The following EPS15 variants were observed in gnomAD, a reference collection of about 807,000 sequenced individuals.
EPS15 encodes epidermal growth factor receptor pathway substrate 15.
In EPS15, 72 loss-of-function variants were observed where a neutral mutation model predicts 113.8. The ratio of observed to expected loss-of-function variants is 0.63; its 90% CI spans 0.52 to 0.77. The LOEUF is 0.77. Ranked by LOEUF, EPS15 falls within the 30% of genes least tolerant of loss-of-function variation. EPS15 has a pLI of 0.00. For synonymous variants in EPS15, 344 were observed against 363.4 expected, an observed-to-expected ratio of 0.95 and a Z score of 0.61; for missense variants, 1,048 against 1,045.8, an observed-to-expected ratio of 1.00 and a Z score of -0.03.
chr1:51,510,366 T>A (rs1209227671), intron 1 of EPS15, among the ~76,000 whole-genome samples: 1 of 152,176 alleles, frequency 6.6e-6, no homozygotes, highest in Non-Finnish European at 1.5e-5. Flanking sequence ...TGGGTTCAAG[T>A]CTCAACTCTC....
chr1:51,508,799 G>A (rs1363026750), intron 1 of EPS15, among the ~76,000 whole-genome samples: 1 of 151,940 alleles, frequency 6.6e-6, no homozygotes, highest in Non-Finnish European at 1.5e-5. Context: ...GATAAAACAA[G>A]GAATCTCATA....
intron 8 of EPS15, among the ~76,000 whole-genome samples, chr1:51,450,644 A>T (rs1360697468): frequency 2.0e-5 from 3 of 151,866 alleles, no homozygotes; most frequent in African/African-American, 7.3e-5. Context: ...TCAAATTGGT[A>T]CCACCCCTAT....
rs1369730903 is a variant in EPS15 at position 51,399,149 on chromosome 1, A to T, written c.1935T>A (p.Asp645Glu). ...CAAATGGATCTGAACCTTTGAAAGG[A>T]TCACCACCAAATGGATCTAAAAAAA... ...PFGKIDPFGG[D>E]PFKGSDPFAS... The change falls in exon 20 of 25, where the codon GAT becomes GAA. Residue 645 changes from aspartate (D) to glutamate (E), a missense_variant. Coordinates refer to ENST00000371733, the MANE Select transcript of EPS15 (RefSeq NM_001981.3). 2 of 1,613,668 alleles carry T rather than the reference A, an allele frequency of 1.2e-6. No individual in the cohort carries two copies. The highest frequency in any genetic ancestry group is 1.7e-6 in the Non-Finnish European group (2 of 1,179,862).
intron 1 of EPS15, among the ~76,000 whole-genome samples, chr1:51,508,348 GAA>G (rs572765947): frequency 2.8e-5 from 4 of 140,684 alleles, no homozygotes; most frequent in Admixed American, 6.9e-5. Context: ...GAGAAAGAAA[GAA>G]AGAAAGAAAG....
intron 21 of EPS15, among the ~76,000 whole-genome samples, chr1:51,367,071 T>C (rs1646523023): frequency 6.6e-6 from 1 of 152,210 alleles, no homozygotes. Flanking sequence ...ATATGGGTTA[T>C]GAAAGAGGTA....
At chr1:51,436,970 GT>G (rs1652199198) in intron 12 of EPS15, among the ~76,000 whole-genome samples, 1 of 151,954 alleles carries the variant, frequency 6.6e-6, no homozygotes, top group Non-Finnish European at 1.5e-5. Flanking sequence ...TATTCGATGA[GT>G]GTTATATTAC....
chr1:51,386,611 CA>C (rs1245666969), intron 21 of EPS15, among the ~76,000 whole-genome samples: 2 of 152,112 alleles, frequency 1.3e-5, no homozygotes, highest in Non-Finnish European at 2.9e-5. Flanking sequence ...ACATCCACAC[CA>C]AAAACTCATC....
At chr1:51,457,146 G>GCC (rs1654062594) in intron 8 of EPS15, among the ~76,000 whole-genome samples, 1 of 152,040 alleles carries the variant, frequency 6.6e-6, no homozygotes, top group African/African-American at 2.4e-5. Flanking sequence ...AATTAGCCAG[G>GCC]CGTGGTGGCG....
At chr1:51,383,595 G>A (rs1026827237) in intron 21 of EPS15, among the ~76,000 whole-genome samples, 1 of 152,178 alleles carries the variant, frequency 6.6e-6, no homozygotes, top group African/African-American at 2.4e-5. Flanking sequence ...TGATCTGACA[G>A]GAAGCGGAGC....
At chr1:51,429,835 G>A (rs1390390062) in intron 12 of EPS15, among the ~76,000 whole-genome samples, 9 of 152,010 alleles carry the variant, frequency 5.9e-5, no homozygotes, top group African/African-American at 1.9e-4. Flanking sequence ...ATTTTTAGTA[G>A]AGATGGGGTT....
At chr1:51,387,157 C>T (rs912646436) in intron 21 of EPS15, among the ~76,000 whole-genome samples, 15 of 152,068 alleles carry the variant, frequency 9.9e-5, no homozygotes, top group African/African-American at 3.6e-4. Flanking sequence ...AGAGTGGGGG[C>T]CAATGTTCAA....
intron 21 of EPS15, among the ~76,000 whole-genome samples, chr1:51,369,761 A>C (rs1646602684): frequency 6.6e-6 from 1 of 152,134 alleles, no homozygotes; most frequent in Non-Finnish European, 1.5e-5. Context: ...CACAGTACTC[A>C]TCAGTATTTG....
intron 8 of EPS15, among the ~76,000 whole-genome samples, chr1:51,453,185 T>C (rs1328592732): frequency 6.6e-6 from 1 of 152,214 alleles, no homozygotes; most frequent in East Asian, 1.9e-4. Context: ...AAGTGCCTAG[T>C]GTACACATTA....
intron 21 of EPS15, among the ~76,000 whole-genome samples, chr1:51,392,352 T>G (rs1432973604): frequency 6.6e-6 from 1 of 152,228 alleles, no homozygotes; most frequent in Non-Finnish European, 1.5e-5. Flanking sequence ...GCATGTTGAC[T>G]GCTGGAACTC....
At chr1:51,373,742 G>A (rs1455098567) in intron 21 of EPS15, among the ~76,000 whole-genome samples, 4 of 152,152 alleles carry the variant, frequency 2.6e-5, no homozygotes, top group Non-Finnish European at 4.4e-5. Flanking sequence ...CTTGAGGTCA[G>A]GAGTTCGAGA....
intron 8 of EPS15, among the ~76,000 whole-genome samples, chr1:51,450,399 A>G (rs1221422288): frequency 2.0e-5 from 3 of 151,798 alleles, no homozygotes; most frequent in African/African-American, 7.3e-5. Flanking sequence ...GGAGCATCCA[A>G]TCATGGCAGA....
chr1:51,494,425 A>T (rs1644293261), intron 1 of EPS15, among the ~76,000 whole-genome samples: 1 of 152,196 alleles, frequency 6.6e-6, no homozygotes, highest in Non-Finnish European at 1.5e-5. Flanking sequence ...CATCATTTCA[A>T]TAATTCTCCT....
intron 13 of EPS15, among the ~76,000 whole-genome samples, chr1:51,420,392 ACTGT>A (rs1650641131): frequency 2.0e-5 from 3 of 152,304 alleles, no homozygotes; most frequent in South Asian, 4.1e-4. Context: ...TCAACAAAAT[ACTGT>A]CTATCACAAG....
intron 2 of EPS15, among the ~76,000 whole-genome samples, chr1:51,478,090 A>C (rs1643947112): frequency 6.6e-6 from 1 of 152,274 alleles, no homozygotes; most frequent in South Asian, 2.1e-4. Context: ...TGGGAGTCTA[A>C]GTCTCTTTGT....
Sources: gnomAD v4.1 joint callset for allele counts (sites outside exome capture counted in the v4.1 genomes callset) on GRCh38, gnomAD v4.1.1 for gene constraint, MANE v1.5 for transcripts, NCBI Gene and HGNC (gene_info 2026-07-23, HGNC 2026-07-21) for gene names.